Variants in TEC observed in about 807,000 individuals in gnomAD.
TEC encodes the protein tec protein tyrosine kinase, also known as tyrosine-protein kinase Tec.
Under a neutral mutation model 93.0 loss-of-function variants are expected in TEC, and 72 were observed. The ratio of observed to expected loss-of-function variants is 0.77; its 90% CI spans 0.64 to 0.94. The LOEUF is 0.94. TEC is among the 40% of genes least tolerant of loss of function. TEC has a pLI of 0.00. For missense variants in TEC, 630 were observed against 757.9 expected, an observed-to-expected ratio of 0.83 and a Z score of 1.98; for synonymous variants, 249 against 247.7, an observed-to-expected ratio of 1.01 and a Z score of -0.05.
At chr4:48,266,595 T>C (rs571940176) in intron 1 of TEC, among the ~76,000 whole-genome samples, 1 of 152,316 alleles carries the variant, frequency 6.6e-6, no homozygotes, top group South Asian at 2.1e-4. Flanking sequence ...CCCAGCACTT[T>C]GGGAGCCCAA....
At chr4:48,230,176 C>T (rs1723606457) in intron 1 of TEC, among the ~76,000 whole-genome samples, 1 of 152,124 alleles carries the variant, frequency 6.6e-6, no homozygotes, top group South Asian at 2.1e-4. Flanking sequence ...TCTCAGACAG[C>T]ACGGCCGGTG....
intron 2 of TEC, among the ~76,000 whole-genome samples, chr4:48,179,971 C>T (rs185426656): frequency 1.3e-5 from 2 of 152,244 alleles, no homozygotes; most frequent in Admixed American, 6.5e-5. Context: ...CCATGGTCTG[C>T]TTTCAAAACA....
chr4:48,251,395 CA>C (rs1333284091), intron 1 of TEC, among the ~76,000 whole-genome samples: 2 of 151,956 alleles, frequency 1.3e-5, no homozygotes, highest in Non-Finnish European at 2.9e-5. Context: ...TTCACTTCCA[CA>C]AAAAAAGACC....
intron 12 of TEC, 136 bp from the exon 13 acceptor site, chr4:48,145,715 C>A (rs1409811484): frequency 2.0e-6 from 2 of 994,652 alleles, no homozygotes; most frequent in East Asian, 5.1e-5. Context: ...TGGTAAAACA[C>A]AGAACAGACT....
chr4:48,171,486 CT>C lies in TEC; in HGVS notation c.244-38del. ...CAAAAGATGGAATTGGTGAAGAGGA[CT>C]TAGACACAGCACTTCTGTCTAGCAC... On this transcript the variant is annotated intron_variant, in intron 3 of 17. Transcript: ENST00000381501. 3 of 1,557,494 alleles carry C rather than the reference CT, an allele frequency of 1.9e-6. No individual in the cohort carries two copies. In the South Asian group the frequency reaches 3.4e-5, roughly 18 times the overall value.
intron 1 of TEC, among the ~76,000 whole-genome samples, chr4:48,236,279 CTTTT>C (rs59024899): frequency 6.7e-6 from 1 of 148,802 alleles, no homozygotes; most frequent in Non-Finnish European, 1.5e-5. Context: ...TTACAAACAG[CTTTT>C]TTTTTTGTTT....
chr4:48,201,954 T>TC (rs1722530089), intron 2 of TEC, among the ~76,000 whole-genome samples: 1 of 111,584 alleles, frequency 9.0e-6, no homozygotes, highest in African/African-American at 3.1e-5. Context: ...TGTGGCTTAT[T>TC]TTTTTTTTTT....
At chr4:48,163,623 A>T in intron 8 of TEC, 79 bp downstream of exon 8, 1 of 907,838 alleles carries the variant, frequency 1.1e-6, no homozygotes, top group Non-Finnish European at 1.7e-6. Context: ...GATATCCATT[A>T]ATCTTCAAAA....
At chr4:48,234,963 C>G (rs1177565358) in intron 1 of TEC, among the ~76,000 whole-genome samples, 1 of 151,998 alleles carries the variant, frequency 6.6e-6, no homozygotes, top group Non-Finnish European at 1.5e-5. Flanking sequence ...CTTTTACTCA[C>G]AATTCATGAG....
chr4:48,238,303 T>C (rs1723836750), intron 1 of TEC, among the ~76,000 whole-genome samples: 1 of 152,332 alleles, frequency 6.6e-6, no homozygotes, highest in South Asian at 2.1e-4. Context: ...GTCTTATATA[T>C]TTCTCCTTTC....
At chr4:48,198,172 C>G (rs1722367220) in intron 2 of TEC, among the ~76,000 whole-genome samples, 1 of 152,228 alleles carries the variant, frequency 6.6e-6, no homozygotes, top group Non-Finnish European at 1.5e-5. Flanking sequence ...GTGGCTGCAG[C>G]TGCCTCAGGC....
At chr4:48,162,886 A>G (rs905949013) in intron 8 of TEC, among the ~76,000 whole-genome samples, 1 of 152,238 alleles carries the variant, frequency 6.6e-6, no homozygotes, top group Non-Finnish European at 1.5e-5. Context: ...TAGTGGGTAT[A>G]TAAATAATAC....
At chr4:48,204,881 G>A (rs1366068409) in intron 2 of TEC, among the ~76,000 whole-genome samples, 3 of 152,130 alleles carry the variant, frequency 2.0e-5, no homozygotes, top group Non-Finnish European at 4.4e-5. Context: ...CACCGAAACC[G>A]GTACCAGTCC....
chr4:48,252,569 T>C (rs1560426074), intron 1 of TEC, among the ~76,000 whole-genome samples: 2 of 152,214 alleles, frequency 1.3e-5, no homozygotes, highest in South Asian at 2.1e-4. Context: ...TGTCATCAGC[T>C]CTATCCCTGC....
chr4:48,205,816 A>G (rs181272073), intron 2 of TEC, among the ~76,000 whole-genome samples: 1 of 152,358 alleles, frequency 6.6e-6, no homozygotes, highest in Admixed American at 6.5e-5. Flanking sequence ...AACATACTCA[A>G]AGCCAAAGCA....
chr4:48,163,207 T>C (rs1223763915), intron 8 of TEC, among the ~76,000 whole-genome samples: 1 of 152,110 alleles, frequency 6.6e-6, no homozygotes, highest in Non-Finnish European at 1.5e-5. Context: ...TGAAATAAAA[T>C]GTAGCTAGGA....
At chr4:48,157,445 A>G (rs1720447580) in intron 8 of TEC, among the ~76,000 whole-genome samples, 1 of 152,162 alleles carries the variant, frequency 6.6e-6, no homozygotes, top group Non-Finnish European at 1.5e-5. Context: ...ACCATGACCA[A>G]GCAGCTGGTC....
At position 48,165,288 on chromosome 4, in the gene TEC, G is replaced by C. The variant is rs185448818; in HGVS notation, c.672-1521C>G. On this transcript the variant is annotated intron_variant, in intron 7 of 17. Coordinates refer to ENST00000381501, the MANE Select transcript of TEC (RefSeq NM_003215.3). ...CATTGTTATCACTAGAGAAAGCTCA[G>C]TCATCAACTCATTATTCTGAAAACT... Among the ~76,000 whole-genome samples, 452 of 152,298 alleles carry C rather than the reference G, an allele frequency of 3.0e-3. 2 individuals are homozygous for C. Among genetic ancestry groups the C allele is most frequent in the Non-Finnish European group, 3.4e-3 (230 of 68,024 alleles).
intron 9 of TEC, among the ~76,000 whole-genome samples, chr4:48,152,157 G>A (rs766434154): frequency 2.6e-5 from 4 of 152,098 alleles, no homozygotes; most frequent in African/African-American, 4.8e-5. Context: ...CGGACACAGC[G>A]GCTCATACCT....
Sources: allele counts gnomAD v4.1 joint callset (sites outside exome capture counted in the v4.1 genomes callset), GRCh38; gene constraint gnomAD v4.1.1; transcripts MANE v1.5; gene names NCBI Gene and HGNC (gene_info 2026-07-23, HGNC 2026-07-21).